DNMBP: variants seen among roughly 807,000 people sequenced by gnomAD.
The protein encoded by DNMBP is dynamin binding protein.
Under a neutral mutation model 150.0 loss-of-function variants are expected in DNMBP, and 87 were observed. That is an observed-to-expected ratio of 0.58 (90% CI 0.49 to 0.69). The LOEUF (loss-of-function observed/expected upper bound fraction) is 0.69. Ranked by LOEUF, DNMBP falls within the 30% of genes least tolerant of loss-of-function variation. The probability of loss-of-function intolerance (pLI) is 0.00; values close to 1 mark genes in which losing one functional copy is unlikely to be tolerated. For synonymous variants in DNMBP, 711 were observed against 750.4 expected (o/e 0.95, Z 0.86); for missense variants, 1,774 against 1,949.0 (o/e 0.91, Z 1.69).
intron 11 of DNMBP, chr10:99,889,307 C>T (rs547585605): frequency 3.0e-5 from 5 of 165,126 alleles, no homozygotes; most frequent in African/African-American, 1.2e-4. Flanking sequence ...CCTCTCCTTC[C>T]TCAAGTCTTG....
Position 99,880,293 on chromosome 10 carries a change from A to G in DNMBP, c.4066T>C (p.Ser1356Pro), listed in dbSNP as rs1590206688. Residue 1356 changes from serine (S) to proline (P), a missense_variant, in exon 16 of 17, where the codon TCC becomes CCC. Physicochemically the swap from Ser to Pro is moderately conservative, Grantham distance 74 (BLOSUM62 -1). Around this residue, in one of 2 missense-constraint regions of DNMBP, gnomAD observed 1,430 missense variants for 1,492.5 expected, o/e 0.96. Coordinates refer to ENST00000324109, the MANE Select transcript of DNMBP (RefSeq NM_015221.4). ...YNPRRSHSDASVGSHSSTESE... is the reference protein window; with the variant it reads ...YNPRRSHSDAPVGSHSSTESE... ...TCTGTGGAGGAGTGGCTACCCACGG[A>G]GGCATCGGAGTGGCTGCGGCGAGGA... 5 of 1,613,570 alleles carry G rather than the reference A, an allele frequency of 3.1e-6. No individual in the cohort carries two copies. The highest frequency in any genetic ancestry group is 4.2e-6 in the Non-Finnish European group (5 of 1,179,858).
In DNMBP at chr10:99,942,149, C is replaced by T. The variant is rs187695472; in HGVS notation, c.2260+13065G>A. The stretch of plus-strand genomic sequence containing the variant: ...TTCTTGCTGTCTTATCTGTCTGGAA[C>T]GATGCCTCCCACCCCCAGAAATGGT... On this transcript the variant is annotated intron_variant, in intron 4 of 16. Transcript: ENST00000324109. Among the ~76,000 whole-genome samples the T allele has an allele frequency of 3.7e-3, 566 of 152,316 alleles. 3 individuals are homozygous for T. The highest frequency in any genetic ancestry group is 8.5e-3 in the South Asian group (41 of 4,816).
Position 99,962,240 on chromosome 10 carries a change from T to C in DNMBP, c.269-5035A>G, listed in dbSNP as rs2040572668. Among the ~76,000 whole-genome samples the C allele has an allele frequency of 2.6e-5, 4 of 152,376 alleles. No homozygotes were observed. In the South Asian group the frequency reaches 8.3e-4, roughly 32 times the overall value. On this transcript the variant is annotated intron_variant, in intron 3 of 16. Coordinates refer to ENST00000324109, the MANE Select transcript of DNMBP (RefSeq NM_015221.4). ...AAATATTTTCACAAATTTGATATTA[T>C]TTGGTTTCAGTGTTCCCCAAAAATA...
In DNMBP at chr10:99,875,760, A is replaced by AG. The variant is rs35146279; in HGVS notation, c.*1390dup. The AG allele has an allele frequency of 0.36, 55,261 of 152,024 alleles. 10,769 individuals are homozygous for AG. Among genetic ancestry groups the AG allele is most frequent in the Middle Eastern group, 0.5 (148 of 294 alleles). The allele number at this position is 152,024 out of a possible 1,614,324, so 9.4% of individuals were successfully genotyped here. On this transcript the variant is annotated 3_prime_UTR_variant, in exon 17 of 17. Transcript: ENST00000324109. ...ATTTTAAGGCTAAATGTGCACTTGGAGGAACAGGGGCTGTAAGGCTATTTC... is the reference window on the plus strand; with the variant it reads ...ATTTTAAGGCTAAATGTGCACTTGGAGGGAACAGGGGCTGTAAGGCTATTTC...
chr10:99,889,253 T>C (rs1437835173), intron 11 of DNMBP: 1 of 217,164 alleles, frequency 4.6e-6, no homozygotes, highest in South Asian at 8.5e-5. Flanking sequence ...ATTATCAAAT[T>C]AGAACCAAGA....
chr10:99,998,300 G>A (rs561879495), intron 1 of DNMBP, among the ~76,000 whole-genome samples: 3 of 151,112 alleles, frequency 2.0e-5, no homozygotes, highest in African/African-American at 7.3e-5. Context: ...ATTAACGGCC[G>A]GGCGCAGTGG....
chr10:99,891,186 CTCTCCCCACCG>C (rs1217420387), intron 11 of DNMBP, among the ~76,000 whole-genome samples: 1 of 149,704 alleles, frequency 6.7e-6, no homozygotes, highest in Non-Finnish European at 1.5e-5. Flanking sequence ...CCCCCTCTCC[CTCTCCCCACCG>C]TCTCCCTCTC....
At chr10:99,998,105 C>T (rs570621512) in intron 1 of DNMBP, among the ~76,000 whole-genome samples, 1 of 150,762 alleles carries the variant, frequency 6.6e-6, no homozygotes, top group Admixed American at 6.6e-5. Flanking sequence ...CGTGGTGGCG[C>T]ACACCTGTAT....
chr10:99,904,262 A>G (rs901925214), intron 6 of DNMBP, among the ~76,000 whole-genome samples: 7 of 152,130 alleles, frequency 4.6e-5, no homozygotes, highest in African/African-American at 1.4e-4. Flanking sequence ...CGAAAAAAAA[A>G]GGAAAACACT....
chr10:99,970,918 G>T (rs11190347), intron 2 of DNMBP, among the ~76,000 whole-genome samples: 7,502 of 127,644 alleles, frequency 0.059, 214 homozygotes, highest in African/African-American at 0.089. Context: ...CTTGCAGTGA[G>T]CCGAGATCAT....
At chr10:99,893,044 C>A (rs978915093) in intron 11 of DNMBP, among the ~76,000 whole-genome samples, 1 of 152,122 alleles carries the variant, frequency 6.6e-6, no homozygotes, top group Non-Finnish European at 1.5e-5. Context: ...ATGATATAGA[C>A]ATATAAGAAT....
At chr10:99,995,857 G>C (rs1301569925) in intron 1 of DNMBP, among the ~76,000 whole-genome samples, 1 of 152,268 alleles carries the variant, frequency 6.6e-6, no homozygotes, top group Non-Finnish European at 1.5e-5. Context: ...AGAAGGGACA[G>C]TGGAGTCACC....
chr10:100,002,132 T>C (rs2041020495), intron 1 of DNMBP, among the ~76,000 whole-genome samples: 1 of 152,210 alleles, frequency 6.6e-6, no homozygotes, highest in Non-Finnish European at 1.5e-5. Context: ...TATAGTGCAA[T>C]GTTAAGTGCC....
At position 99,877,091 on chromosome 10, in the gene DNMBP, CCA is replaced by C; in HGVS notation, c.*58_*59del. 3 of 1,485,854 alleles carry C rather than the reference CCA, an allele frequency of 2.0e-6. No homozygotes were observed. Among genetic ancestry groups the C allele is most frequent in the Admixed American group, 2.2e-5 (1 of 45,158 alleles). The allele number at this position is 1,485,854 out of a possible 1,614,324, so 92.0% of individuals were successfully genotyped here. On this transcript the variant is annotated 3_prime_UTR_variant, in exon 17 of 17. Coordinates refer to ENST00000324109, the MANE Select transcript of DNMBP (RefSeq NM_015221.4). ...GAGCAGGCGCCCTCTCGGTGGGCCG[CCA>C]GAACCCTCGGCGGACTGAAAGCAAA...
rs928770304 is a variant in DNMBP, at chr10:99,949,590, T to C, written c.2260+5624A>G. ...ATAAGTAATTTTATCATATTAGCAATAGATATTATCAAAACACCTTTTGAG... is the reference window on the plus strand; with the variant it reads ...ATAAGTAATTTTATCATATTAGCAACAGATATTATCAAAACACCTTTTGAG... On this transcript the variant is annotated intron_variant, in intron 4 of 16. Transcript: ENST00000324109. 5.9e-5 allele frequency among the ~76,000 whole-genome samples: 9 copies of C among 152,172 alleles called. No homozygotes were observed. The East Asian group carries it at 7.7e-4, about 13-fold the overall frequency.
intron 2 of DNMBP, 45 bp downstream of exon 2, chr10:99,971,935 G>A: frequency 2.6e-6 from 4 of 1,558,898 alleles, no homozygotes; most frequent in Non-Finnish European, 3.5e-6. Flanking sequence ...TTTTTAATAT[G>A]GAAAGAAGTC....
At chr10:99,948,960 T>A (rs780003654) in intron 4 of DNMBP, among the ~76,000 whole-genome samples, 4 of 123,316 alleles carry the variant, frequency 3.2e-5, no homozygotes, top group Non-Finnish European at 7.1e-5. Flanking sequence ...TGAGACTCCA[T>A]CTCAAAAATA....
intron 4 of DNMBP, chr10:99,929,977 T>C (rs1175340426): frequency 2.8e-6 from 2 of 702,870 alleles, no homozygotes; most frequent in Admixed American, 2.0e-5. Flanking sequence ...TTATTTTCTG[T>C]ATCAAAATCA....
chr10:99,915,374 T>C (rs1807431707), intron 4 of DNMBP, among the ~76,000 whole-genome samples: 1 of 148,766 alleles, frequency 6.7e-6, no homozygotes, highest in Non-Finnish European at 1.5e-5. Flanking sequence ...ACTTAACCAG[T>C]ACTTTTTAAC....
Sources: allele counts gnomAD v4.1 joint callset (sites outside exome capture counted in the v4.1 genomes callset), GRCh38; gene constraint gnomAD v4.1.1; regional missense constraint gnomAD v4.1.1; transcripts MANE v1.5; gene names NCBI Gene and HGNC (gene_info 2026-07-23, HGNC 2026-07-21).